The following ASB3 variants were observed in gnomAD, a reference collection of about 807,000 sequenced individuals.
ASB3 encodes the protein ankyrin repeat and SOCS box containing 3.
Under a neutral mutation model 54.5 loss-of-function variants are expected in ASB3, and 41 were observed. That is an observed-to-expected ratio of 0.75 (90% confidence interval 0.59 to 0.98). The LOEUF (loss-of-function observed/expected upper bound fraction) is 0.98. ASB3 is among the 50% of genes least tolerant of loss of function. The probability of loss-of-function intolerance (pLI) is 0.00; values close to 1 mark genes in which losing one functional copy is unlikely to be tolerated. For synonymous variants in ASB3, 266 were observed against 221.2 expected (o/e 1.20, Z -1.80); for missense variants, 733 against 620.0 (o/e 1.18, Z -1.94).
At position 53,694,025 on chromosome 2, in the gene ASB3, A is replaced by C; in HGVS notation, c.1239-11T>G. 1 of 1,612,472 alleles carries C rather than the reference A, an allele frequency of 6.2e-7. No individual in the cohort carries two copies. The highest frequency in any genetic ancestry group is 8.5e-7 in the Non-Finnish European group (1 of 1,178,984). On this transcript the variant is annotated splice_polypyrimidine_tract_variant and intron_variant, in intron 8 of 9. Transcript: ENST00000263634. ...CTGACTGAGTCAATCCTATGTTAGCAAGATGTTAATATAATATTAGAAACA... is the reference window on the plus strand; with the variant it reads ...CTGACTGAGTCAATCCTATGTTAGCCAGATGTTAATATAATATTAGAAACA...
intron 3 of ASB3, among the ~76,000 whole-genome samples, chr2:53,744,893 A>T (rs962608376): frequency 6.6e-6 from 1 of 152,226 alleles, no homozygotes; most frequent in African/African-American, 2.4e-5. Context: ...AGCCTCACCC[A>T]ACACTATTTA....
intron 9 of ASB3, among the ~76,000 whole-genome samples, chr2:53,671,733 T>C (rs943051889): frequency 8.6e-6 from 1 of 116,180 alleles, no homozygotes; most frequent in Admixed American, 7.5e-5. Context: ...CACTCCAGCC[T>C]GGGCAACAAG....
At chr2:53,709,320 G>A (rs75213010) in intron 7 of ASB3, among the ~76,000 whole-genome samples, 6,968 of 152,278 alleles carry the variant, frequency 0.046, 211 homozygotes, top group Non-Finnish European at 0.062. Flanking sequence ...ACATGGTCAT[G>A]GTGTTAACCC....
intron 1 of ASB3, chr2:53,768,249 A>G: frequency 4.0e-6 from 2 of 501,754 alleles, no homozygotes; most frequent in Non-Finnish European, 6.9e-6. Context: ...TAGTCTCTAG[A>G]GACGGCGAGA....
At position 53,743,515 on chromosome 2, in the gene ASB3, T is replaced by C. The variant is rs186305849; in HGVS notation, c.355+7268A>G. 1.7e-3 allele frequency among the ~76,000 whole-genome samples: 254 copies of C among 152,198 alleles called. 1 individual carries two copies. Among genetic ancestry groups the C allele is most frequent in the Admixed American group, 3.7e-3 (56 of 15,294 alleles). On this transcript the variant is annotated intron_variant, in intron 3 of 9. Coordinates refer to ENST00000263634, the MANE Select transcript of ASB3 (RefSeq NM_016115.5). Reference sequence around the variant, plus strand: ...TAAGATGCCAGAACAAAATGCAAAATGTTATTCCCACTAACAATGCAAATA... The same window carrying C: ...TAAGATGCCAGAACAAAATGCAAAACGTTATTCCCACTAACAATGCAAATA...
chr2:53,737,190 T>A (rs1053141233), intron 3 of ASB3, among the ~76,000 whole-genome samples: 38 of 152,098 alleles, frequency 2.5e-4, no homozygotes, highest in African/African-American at 9.2e-4. Flanking sequence ...ACAACTGTGA[T>A]TCCCGAGAGA....
chr2:53,768,351 C>T, intron 1 of ASB3: 1 of 231,666 alleles, frequency 4.3e-6, no homozygotes, highest in South Asian at 1.5e-4. Flanking sequence ...AAAAAAAGTC[C>T]CATTGGCGGG....
At chr2:53,754,519 T>C (rs1020394863) in intron 2 of ASB3, among the ~76,000 whole-genome samples, 1 of 152,222 alleles carries the variant, frequency 6.6e-6, no homozygotes, top group African/African-American at 2.4e-5. Flanking sequence ...TGAAATATTT[T>C]ACCTATAGAA....
At chr2:53,779,354 T>G (rs1182559519) in intron 1 of ASB3, among the ~76,000 whole-genome samples, 4 of 152,158 alleles carry the variant, frequency 2.6e-5, no homozygotes, top group Non-Finnish European at 5.9e-5. Flanking sequence ...TTAATTTTAA[T>G]CAGAAACCAA....
At chr2:53,749,528 C>G (rs1271444860) in intron 3 of ASB3, among the ~76,000 whole-genome samples, 1 of 152,052 alleles carries the variant, frequency 6.6e-6, no homozygotes, top group Non-Finnish European at 1.5e-5. Context: ...GTCGTAACCA[C>G]TAAACAGTGA....
At chr2:53,745,281 C>T (rs1672162678) in intron 3 of ASB3, among the ~76,000 whole-genome samples, 1 of 152,032 alleles carries the variant, frequency 6.6e-6, no homozygotes. Context: ...AATAAGGCAG[C>T]AAGACTCCTT....
At chr2:53,773,782 C>A (rs1427843444) in intron 1 of ASB3, among the ~76,000 whole-genome samples, 10 of 151,850 alleles carry the variant, frequency 6.6e-5, no homozygotes. Context: ...CACCTGTAAT[C>A]CCAGCACACT....
At chr2:53,774,246 C>A (rs1573020858) in intron 1 of ASB3, 1 of 1,614,128 alleles carries the variant, frequency 6.2e-7, no homozygotes, top group South Asian at 1.1e-5. Flanking sequence ...CCACAACAGT[C>A]ATTTTTTATC....
intron 2 of ASB3, among the ~76,000 whole-genome samples, chr2:53,762,743 G>C (rs1440260172): frequency 2.6e-5 from 4 of 152,140 alleles, no homozygotes; most frequent in Non-Finnish European, 5.9e-5. Flanking sequence ...CAATACAGGA[G>C]AGAAGACAAG....
intron 1 of ASB3, among the ~76,000 whole-genome samples, chr2:53,769,891 G>C (rs1198651443): frequency 6.6e-6 from 1 of 152,122 alleles, no homozygotes; most frequent in Non-Finnish European, 1.5e-5. Flanking sequence ...CTAAGACTCA[G>C]AATTCTAACT....
chr2:53,680,429 A>T (rs1026594494), intron 9 of ASB3, among the ~76,000 whole-genome samples: 1 of 152,134 alleles, frequency 6.6e-6, no homozygotes, highest in Non-Finnish European at 1.5e-5. Context: ...TTTAGTAATA[A>T]CCATTCTGAC....
chr2:53,772,261 G>A (rs966789291), intron 1 of ASB3, among the ~76,000 whole-genome samples: 3 of 151,878 alleles, frequency 2.0e-5, no homozygotes, highest in Non-Finnish European at 4.4e-5. Flanking sequence ...TGCAAGCTCC[G>A]CCTCCCGGGT....
intron 3 of ASB3, among the ~76,000 whole-genome samples, chr2:53,737,111 C>T (rs1671681537): frequency 6.6e-6 from 1 of 152,132 alleles, no homozygotes; most frequent in African/African-American, 2.4e-5. Flanking sequence ...ACTAGCCATC[C>T]ATCCAAAACA....
intron 9 of ASB3, among the ~76,000 whole-genome samples, chr2:53,688,723 G>A (rs1278561333): frequency 6.6e-6 from 1 of 152,056 alleles, no homozygotes; most frequent in African/African-American, 2.4e-5. Flanking sequence ...TCATAAGTGG[G>A]AGTTGAACAA....
Sources: allele counts gnomAD v4.1 joint callset (sites outside exome capture counted in the v4.1 genomes callset), GRCh38; gene constraint gnomAD v4.1.1; transcripts MANE v1.5; gene names NCBI Gene and HGNC (gene_info 2026-07-23, HGNC 2026-07-21).